Variants in MTF1 observed in about 807,000 individuals in gnomAD.
MTF1 encodes MRE-binding transcription factor.
MTF1 carries 22 observed loss-of-function variants against 70.4 expected under a neutral mutation model. That is an observed-to-expected ratio of 0.31 (90% CI 0.22 to 0.45). MTF1 has a LOEUF of 0.45. MTF1 is among the 20% of genes least tolerant of loss of function. MTF1 has a pLI of 1.00. For missense variants in MTF1, 649 were observed against 922.0 expected, an observed-to-expected ratio of 0.70 and a Z score of 3.83; for synonymous variants, 333 against 352.8, an observed-to-expected ratio of 0.94 and a Z score of 0.63.
chr1:37,844,039 G>A (rs1436371360), intron 2 of MTF1, among the ~76,000 whole-genome samples: 2 of 152,156 alleles, frequency 1.3e-5, no homozygotes, highest in African/African-American at 4.8e-5. Context: ...TTCTTCTCAC[G>A]TCTCAGGACC....
chr1:37,836,261 G>T (rs1460013812), intron 4 of MTF1, among the ~76,000 whole-genome samples: 2 of 152,148 alleles, frequency 1.3e-5, no homozygotes, highest in Non-Finnish European at 2.9e-5. Flanking sequence ...AGTATTTCTT[G>T]TCCTACAGGT....
rs869062644 is a variant in MTF1 at position 37,856,170 on chromosome 1, C to CTTT, written c.408+1078_408+1080dup. ...ATTTACTGTCTCTTGCCTGAATTTC[C>CTTT]TTTTTTTTTTTTTTTTTTTTTTTTT... is the stretch of plus-strand genomic sequence containing the variant. On this transcript the variant is annotated intron_variant, in intron 2 of 10. Transcript: ENST00000373036. Among the ~76,000 whole-genome samples, 91 of 74,178 alleles carry CTTT rather than the reference C, an allele frequency of 1.2e-3. 1 individual carries two copies. The highest frequency in any genetic ancestry group is 2.5e-3 in the African/African-American group (48 of 19,494). The allele number at this position is 74,178 out of a possible 152,430, so 48.7% of individuals were successfully genotyped here. A position where few individuals can be genotyped will look rare whatever the true frequency, so the allele number is the denominator to read the frequency against.
chr1:37,825,600 T>C lies in MTF1; in HGVS notation c.1069-1788A>G, dbSNP rs551286025. Among the ~76,000 whole-genome samples the C allele has an allele frequency of 3.3e-5, 5 of 152,284 alleles. No individual in the cohort carries two copies. In the South Asian group the frequency reaches 1.0e-3, roughly 32 times the overall value. On this transcript the variant is annotated intron_variant, in intron 7 of 10. Transcript: ENST00000373036. ...AAATAAAAGCAAGTACAGCTGACCC[T>C]TGAACAACATGCATTTGAACTGCAC...
intron 3 of MTF1, among the ~76,000 whole-genome samples, 196 bp downstream of exon 3, chr1:37,839,724 G>C (rs1641227208): frequency 6.6e-6 from 1 of 152,216 alleles, no homozygotes; most frequent in African/African-American, 2.4e-5. Flanking sequence ...TTAAGTAACA[G>C]GTTTCTCTAA....
intron 7 of MTF1, among the ~76,000 whole-genome samples, chr1:37,829,835 G>A (rs1190602337): frequency 6.6e-6 from 1 of 151,934 alleles, no homozygotes; most frequent in Non-Finnish European, 1.5e-5. Context: ...TCAAGGAATT[G>A]TGGCCTTAGT....
At chr1:37,857,955 T>C (rs1049123610) in intron 1 of MTF1, among the ~76,000 whole-genome samples, 2 of 149,856 alleles carry the variant, frequency 1.3e-5, no homozygotes, top group African/African-American at 4.9e-5. Context: ...GATGGGAGGA[T>C]CGCTTGAGGC....
intron 5 of MTF1, 62 bp downstream of exon 5, chr1:37,835,609 C>T (rs371661536): frequency 4.9e-6 from 6 of 1,235,938 alleles, no homozygotes; most frequent in Non-Finnish European, 7.2e-6. Context: ...CCTAGCTCTA[C>T]AGGTCTCAAT....
chr1:37,857,239 T>G lies in MTF1; in HGVS notation c.408+12A>C, dbSNP rs1268337988. 1 of 1,602,130 alleles carries G rather than the reference T, an allele frequency of 6.2e-7. No homozygotes were observed. Among genetic ancestry groups the G allele is most frequent in the East Asian group, 2.2e-5 (1 of 44,614 alleles). On this transcript the variant is annotated intron_variant, in intron 2 of 10. Coordinates refer to ENST00000373036, the MANE Select transcript of MTF1 (RefSeq NM_005955.3). The stretch of plus-strand genomic sequence containing the variant: ...AAAACCAAACTAGGCCCTCACTGAC[T>G]GCTTTACTTACTTCTTTACGTTTTG...
intron 2 of MTF1, among the ~76,000 whole-genome samples, chr1:37,848,056 G>C (rs186205912): frequency 6.6e-6 from 1 of 152,290 alleles, no homozygotes; most frequent in East Asian, 1.9e-4. Flanking sequence ...GGGTTACCAA[G>C]ATTTCTATGG....
At chr1:37,820,963 G>C (rs550941827) in intron 9 of MTF1, among the ~76,000 whole-genome samples, 1 of 152,244 alleles carries the variant, frequency 6.6e-6, no homozygotes, top group South Asian at 2.1e-4. Flanking sequence ...CAGATTGCTT[G>C]GGTCTAGGAG....
rs757553184 is a variant in MTF1, at chr1:37,815,398, T to C, written c.2000A>G (p.Asp667Gly). The change falls in exon 11 of 11, where the codon GAT becomes GGT. Residue 667 changes from aspartate (D) to glycine (G), a missense_variant. Asp to Gly is a moderately conservative substitution (Grantham distance 94). Coordinates refer to ENST00000373036, the MANE Select transcript of MTF1 (RefSeq NM_005955.3). This position sits in a 1 kb window ranked among gnomAD's most constrained non-coding sequence, Gnocchi z 4.5. ...CGCTGGGAGCTGCAGGCTGGGCCCA[T>C]CAGGAGCCTGGGGGCTCGGCTCTGG... The part of the protein sequence containing the change: ...PPPEPSPQAP[D>G]GPSLQLPAQT... 6.2e-7 allele frequency: 1 copy of C among 1,613,914 alleles called. No homozygotes were observed.
At chr1:37,826,576 G>A (rs1275995762) in intron 7 of MTF1, 3 of 455,120 alleles carry the variant, frequency 6.6e-6, no homozygotes. Flanking sequence ...ACCAGCTGAT[G>A]ATTCTCTTCT....
At chr1:37,842,026 T>A (rs1641260988) in intron 2 of MTF1, among the ~76,000 whole-genome samples, 1 of 150,344 alleles carries the variant, frequency 6.7e-6, no homozygotes, top group African/African-American at 2.5e-5. Context: ...GAACCAGACC[T>A]GGCCTCAAAA....
chr1:37,818,328 C>T (rs75762122), intron 9 of MTF1, among the ~76,000 whole-genome samples: 94 of 152,164 alleles, frequency 6.2e-4, no homozygotes, highest in Non-Finnish European at 1.2e-3. Flanking sequence ...TGCCTATAGT[C>T]CCAGCTATTT....
At chr1:37,820,457 A>G (rs1006173330) in intron 9 of MTF1, among the ~76,000 whole-genome samples, 14 of 152,244 alleles carry the variant, frequency 9.2e-5, no homozygotes, top group Non-Finnish European at 1.8e-4. Context: ...TGTGAACTTC[A>G]GCCAGTCACT....
At chr1:37,847,423 A>G (rs1274346278) in intron 2 of MTF1, among the ~76,000 whole-genome samples, 1 of 152,196 alleles carries the variant, frequency 6.6e-6, no homozygotes, top group Non-Finnish European at 1.5e-5. Flanking sequence ...ATTAAATACA[A>G]AACTATATTA....
intron 10 of MTF1, among the ~76,000 whole-genome samples, chr1:37,816,959 C>T (rs927842631): frequency 2.0e-5 from 3 of 152,150 alleles, no homozygotes; most frequent in African/African-American, 7.2e-5. Flanking sequence ...TCACTTACAA[C>T]CTTGGGGGAG....
chr1:37,846,773 G>A (rs796392701), intron 2 of MTF1, among the ~76,000 whole-genome samples: 15 of 152,110 alleles, frequency 9.9e-5, no homozygotes, highest in African/African-American at 3.6e-4. Flanking sequence ...CAACACCTGT[G>A]GAAAGAAAGA....
chr1:37,825,856 T>C (rs896335518), intron 7 of MTF1, among the ~76,000 whole-genome samples: 2 of 152,242 alleles, frequency 1.3e-5, no homozygotes, highest in Non-Finnish European at 2.9e-5. Context: ...ACATAATACA[T>C]ATAACATTCA....
Sources: allele counts gnomAD v4.1 joint callset (sites outside exome capture counted in the v4.1 genomes callset), GRCh38; gene constraint gnomAD v4.1.1; non-coding constraint Gnocchi (gnomAD v3.1); transcripts MANE v1.5; gene names NCBI Gene and HGNC (gene_info 2026-07-23, HGNC 2026-07-21).